The following CABP1 variants were observed in gnomAD, a reference collection of about 807,000 sequenced individuals.
CABP1 encodes calcium binding protein 1.
Under a neutral mutation model 34.3 loss-of-function variants are expected in CABP1, and 17 were observed. The ratio of observed to expected loss-of-function variants is 0.50; its 90% CI spans 0.34 to 0.74. The LOEUF (loss-of-function observed/expected upper bound fraction) is 0.74, where lower values mean the gene tolerates loss of function less well. Ranked by LOEUF, CABP1 falls within the 30% of genes least tolerant of loss-of-function variation. The pLI is 0.01. For missense variants in CABP1, 373 were observed against 511.1 expected, an observed-to-expected ratio of 0.73 and a Z score of 2.61; for synonymous variants, 198 against 229.2, an observed-to-expected ratio of 0.86 and a Z score of 1.23.
At chr12:120,670,544 C>T (rs1156333080), downstream of CABP1, among the ~76,000 whole-genome samples, 28 of 151,920 alleles carry the variant, frequency 1.8e-4, no homozygotes, top group Admixed American at 1.1e-3. Flanking sequence ...GGTCAGGAGT[C>T]TGAGACCAGC....
intron 1 of CABP1, among the ~76,000 whole-genome samples, chr12:120,653,636 T>A (rs538241173): frequency 6.6e-6 from 1 of 152,272 alleles, no homozygotes; most frequent in East Asian, 1.9e-4. Flanking sequence ...CTGGGTTCAG[T>A]GATTTTCCTG....
rs1385762662 is a variant in CABP1, at chr12:120,660,340, G to A, written c.829+1G>A. 1.9e-6 allele frequency: 3 copies of A among 1,612,122 alleles called. No individual in the cohort carries two copies. Among genetic ancestry groups the A allele is most frequent in the East Asian group, 2.2e-5 (1 of 44,862 alleles). On this transcript the variant is annotated splice_donor_variant, in intron 3 of 5. Transcript: ENST00000316803. LOFTEE classifies it high-confidence loss of function. This position sits in a 1 kb window ranked among gnomAD's most constrained non-coding sequence, Gnocchi z 5.0. Reference sequence around the variant, plus strand: ...CTGTCCCAGCAGATCAACATGAACCGTGAGTCCCTCTACCAGGCATCTGCG... The same window carrying A: ...CTGTCCCAGCAGATCAACATGAACCATGAGTCCCTCTACCAGGCATCTGCG...
intron 1 of CABP1, chr12:120,650,377 CCTT>C (rs1488549539): frequency 1.8e-5 from 17 of 962,958 alleles, no homozygotes; most frequent in African/African-American, 6.6e-5. Context: ...GCTTTCATCT[CCTT>C]AAGAAAGTGC....
Position 120,640,725 on chromosome 12 carries a change from G to T in CABP1, c.40G>T (p.Asp14Tyr). The change falls in exon 1 of 6, where the codon GAC becomes TAC. Residue 14 changes from aspartate (D) to tyrosine (Y), a missense_variant. Transcript: ENST00000316803. The surrounding 1 kb of genome is among the most constrained non-coding windows in gnomAD (Gnocchi z 6.2). Reference sequence around the variant, plus strand: ...CGGGGCCGCATTTAAGCGGCCGGGGGACGGCGCCCGCCTCCAGCGCGTCCT... The same window carrying T: ...CGGGGCCGCATTTAAGCGGCCGGGGTACGGCGCCCGCCTCCAGCGCGTCCT... Reference protein sequence around the residue: ...GDGAAFKRPGDGARLQRVLGL... With the variant: ...GDGAAFKRPGYGARLQRVLGL... The T allele has an allele frequency of 1.7e-6, 2 of 1,184,968 alleles. No individual in the cohort carries two copies. Among genetic ancestry groups the T allele is most frequent in the South Asian group, 4.0e-5 (1 of 25,200 alleles). 73.4% of individuals were successfully genotyped at this position (1,184,968 alleles called of 1,614,324 possible).
intron 1 of CABP1, among the ~76,000 whole-genome samples, chr12:120,646,375 T>G (rs535987401): frequency 2.0e-5 from 3 of 152,254 alleles, no homozygotes; most frequent in African/African-American, 7.2e-5. Flanking sequence ...ATCCCTCTGA[T>G]CCTATCATTC....
the CABP1 span, among the ~76,000 whole-genome samples, chr12:120,675,589 A>C: frequency 1.2e-4 from 19 of 152,332 alleles, no homozygotes; most frequent in Non-Finnish European, 2.4e-4. Flanking sequence ...AGTCACCACC[A>C]CAGCTCATTT....
downstream of CABP1, among the ~76,000 whole-genome samples, chr12:120,669,992 C>T (rs982857556): frequency 6.8e-6 from 1 of 147,960 alleles, no homozygotes; most frequent in African/African-American, 2.6e-5. Flanking sequence ...CGCCAGGAAA[C>T]GTTTTTTTTT....
Position 120,667,033 on chromosome 12 carries a change from A to AGGCGCCCACCCCG in CABP1, c.*135_*147dup. On this transcript the variant is annotated 3_prime_UTR_variant, in exon 6 of 6. Coordinates refer to ENST00000316803, the MANE Select transcript of CABP1 (RefSeq NM_001033677.2). ...GATGGGGCCTGCCTGCACCCCGGGG[A>AGGCGCCCACCCCG]GGCGCCCACCCCGGACCCCCACCCC... The AGGCGCCCACCCCG allele has an allele frequency of 2.7e-6, 3 of 1,099,216 alleles. No individual in the cohort carries two copies. Among genetic ancestry groups the AGGCGCCCACCCCG allele is most frequent in the Non-Finnish European group, 4.0e-6 (3 of 755,436 alleles). The allele number at this position is 1,099,216 out of a possible 1,614,324, so 68.1% of individuals were successfully genotyped here. A position where few individuals can be genotyped will look rare whatever the true frequency, so the allele number is the denominator to read the frequency against.
In CABP1 at chr12:120,643,481, G is replaced by T. The variant is rs188366138; in HGVS notation, c.654+2142G>T. On this transcript the variant is annotated intron_variant, in intron 1 of 5. Coordinates refer to ENST00000316803, the MANE Select transcript of CABP1 (RefSeq NM_001033677.2). ...TCTGAATACAGAAACTTTTAGTTAA[G>T]ATCTGCTTAGAGAAAAATACAGCCC... Among the ~76,000 whole-genome samples the T allele has an allele frequency of 9.2e-5, 14 of 152,308 alleles. No homozygotes were observed. In the East Asian group the frequency reaches 2.7e-3, roughly 29 times the overall value.
At chr12:120,646,032 C>T (rs1879523111) in intron 1 of CABP1, among the ~76,000 whole-genome samples, 1 of 152,194 alleles carries the variant, frequency 6.6e-6, no homozygotes, top group Admixed American at 6.5e-5. Context: ...GCCACAGTGA[C>T]AGAGTGAGAC....
chr12:120,656,277 G>C (rs753302966), intron 1 of CABP1: 7 of 1,539,674 alleles, frequency 4.5e-6, no homozygotes, highest in Non-Finnish European at 6.1e-6. Context: ...CAGCCTGTAC[G>C]TAAGTTGGCC....
the CABP1 span, among the ~76,000 whole-genome samples, chr12:120,677,619 C>A: frequency 2.0e-5 from 3 of 151,776 alleles, no homozygotes; most frequent in Non-Finnish European, 4.4e-5. Context: ...GTTGCCCAGG[C>A]TAGTATTGAA....
At chr12:120,675,299 C>T in the CABP1 span, among the ~76,000 whole-genome samples, 8 of 152,200 alleles carry the variant, frequency 5.3e-5, no homozygotes, top group African/African-American at 1.4e-4. Context: ...TTGATCCACC[C>T]GCCTCGACCT....
chr12:120,641,382 C>A lies in CABP1; in HGVS notation c.654+43C>A. ...CGTCAGCGCTCCCGGGAAAGGCGCTCGGGACCCTGCCGGCCGCGGTTGCGC... is the reference window on the plus strand; with the variant it reads ...CGTCAGCGCTCCCGGGAAAGGCGCTAGGGACCCTGCCGGCCGCGGTTGCGC... On this transcript the variant is annotated intron_variant, in intron 1 of 5. Transcript: ENST00000316803. The surrounding 1 kb of genome is among the most constrained non-coding windows in gnomAD (Gnocchi z 6.7). The A allele has an allele frequency of 8.0e-7, 1 of 1,246,936 alleles. No individual in the cohort carries two copies. The highest frequency in any genetic ancestry group is 3.2e-5 in the South Asian group (1 of 30,992). The allele number at this position is 1,246,936 out of a possible 1,614,324, so 77.2% of individuals were successfully genotyped here.
At chr12:120,663,261 G>T (rs1566002193) in intron 5 of CABP1, among the ~76,000 whole-genome samples, 2 of 150,604 alleles carry the variant, frequency 1.3e-5, no homozygotes, top group Non-Finnish European at 3.0e-5. Context: ...TCAGTGAAAG[G>T]TTATTTATTT....
At chr12:120,680,486 G>C in the CABP1 span, among the ~76,000 whole-genome samples, 1 of 152,160 alleles carries the variant, frequency 6.6e-6, no homozygotes, top group Non-Finnish European at 1.5e-5. Flanking sequence ...ACCAGCCCCA[G>C]CTGAAAGAGG....
chr12:120,664,738 G>T (rs1028430981), intron 5 of CABP1, among the ~76,000 whole-genome samples: 12 of 152,050 alleles, frequency 7.9e-5, no homozygotes, highest in Middle Eastern at 3.4e-3. Flanking sequence ...TTAGCTGGGT[G>T]TGGTGGCGCA....
In CABP1 at chr12:120,660,540, A is replaced by G. The variant is rs563528117; in HGVS notation, c.830-191A>G. 1.4e-4 allele frequency among the ~76,000 whole-genome samples: 22 copies of G among 152,348 alleles called. No individual in the cohort carries two copies. The highest frequency in any genetic ancestry group is 2.6e-4 in the Admixed American group (4 of 15,296). On this transcript the variant is annotated intron_variant, in intron 3 of 5. Coordinates refer to ENST00000316803, the MANE Select transcript of CABP1 (RefSeq NM_001033677.2). The surrounding 1 kb of genome is among the most constrained non-coding windows in gnomAD (Gnocchi z 5.0). ...TGGAGGAGTGGAGCCCAGAAAGTAG[A>G]TTAGGGAATATCTGTAAAACAGCCC...
At chr12:120,650,475 A>T in intron 1 of CABP1, 1 of 1,492,198 alleles carries the variant, frequency 6.7e-7, no homozygotes, top group Non-Finnish European at 8.8e-7. Flanking sequence ...GCAGACGAGT[A>T]AGAGAGCACG....
Sources: allele counts gnomAD v4.1 joint callset (sites outside exome capture counted in the v4.1 genomes callset), GRCh38; gene constraint gnomAD v4.1.1; non-coding constraint Gnocchi (gnomAD v3.1); transcripts MANE v1.5; gene names NCBI Gene and HGNC (gene_info 2026-07-23, HGNC 2026-07-21).